KCTD19: variants seen among roughly 807,000 people sequenced by gnomAD.
The protein encoded by KCTD19 is potassium channel tetramerization domain containing 19.
KCTD19 carries 67 observed loss-of-function variants against 103.5 expected under a neutral mutation model. The observed-to-expected ratio is 0.65, with a 90% confidence interval of 0.53 to 0.79. KCTD19 has a LOEUF of 0.79. Among genes scored for constraint, KCTD19 ranks in the 30% least tolerant of loss-of-function variants. The probability of loss-of-function intolerance (pLI) is 0.00; values close to 1 mark genes in which losing one functional copy is unlikely to be tolerated. For synonymous variants in KCTD19, 439 were observed against 452.2 expected (o/e 0.97, Z 0.37); for missense variants, 980 against 1,136.1 (o/e 0.86, Z 1.98).
At chr16:67,325,100 T>G (rs971642747) in intron 1 of KCTD19, among the ~76,000 whole-genome samples, 1 of 152,128 alleles carries the variant, frequency 6.6e-6, no homozygotes, top group Non-Finnish European at 1.5e-5. Context: ...GTGCTCAGAG[T>G]GTGCAGATGT....
chr16:67,294,067 C>T lies in KCTD19; in HGVS notation c.1695G>A (p.Glu565=). The T allele has an allele frequency of 6.2e-7, 1 of 1,614,200 alleles. No homozygotes were observed. Among genetic ancestry groups the T allele is most frequent in the Non-Finnish European group, 8.5e-7 (1 of 1,180,042 alleles). Residue 565 remains glutamate, a synonymous_variant, in exon 12 of 16, where the codon GAG becomes GAA. Transcript: ENST00000304372. ...LVRSNQMDEA[E]QYTRPIQVSL... is the part of the protein sequence containing the mutation. ...ACACCTGGATGGGCCGAGTGTACTG[C>T]TCAGCCTCATCCATCTGGTTGGACC... is the stretch of plus-strand genomic sequence containing the variant.
At chr16:67,294,457 C>G in intron 11 of KCTD19, 123 bp downstream of exon 11, 1 of 723,166 alleles carries the variant, frequency 1.4e-6, no homozygotes, top group South Asian at 1.7e-5. Context: ...TCCTAGGAAC[C>G]CATGTAGGCT....
At chr16:67,289,729 T>A in intron 15 of KCTD19, 47 bp from the exon 16 acceptor site, 1 of 1,402,262 alleles carries the variant, frequency 7.1e-7, no homozygotes. Flanking sequence ...GCCAGTTGTC[T>A]ACTCTAGCTC....
chr16:67,294,320 T>G (rs1282059633), intron 11 of KCTD19, 149 bp from the exon 12 acceptor site: 3 of 917,936 alleles, frequency 3.3e-6, no homozygotes, highest in Non-Finnish European at 4.9e-6. Context: ...TGAGCTTTGC[T>G]CAGGCTGAGT....
intron 2 of KCTD19, among the ~76,000 whole-genome samples, chr16:67,310,359 C>T (rs1464228772): frequency 6.6e-6 from 1 of 152,206 alleles, no homozygotes; most frequent in Non-Finnish European, 1.5e-5. Flanking sequence ...CTCCAGAGAG[C>T]CTGGGCTTCC....
In KCTD19 at chr16:67,290,983, G is replaced by C. The variant is rs200502378; in HGVS notation, c.2569C>G (p.Leu857Val). The C allele has an allele frequency of 1.3e-4, 212 of 1,614,020 alleles. No individual in the cohort carries two copies. In the African/African-American group the frequency reaches 2.3e-3, roughly 18 times the overall value. Residue 857 changes from leucine to valine, a missense_variant, in exon 15 of 16, where the codon CTG becomes GTG. By Grantham distance (32) the Leu-to-Val change is conservative. Coordinates refer to ENST00000304372, the MANE Select transcript of KCTD19 (RefSeq NM_001100915.3). The part of the protein sequence containing the change: ...VVSLANRLWT[L>V]HISPKQFVVD... ...ACAAACTGCTTGGGGCTGATGTGCA[G>C]GGTCTGCCAGGAGAGCCCACAGTCA...
chr16:67,309,128 CAAAAAAAAAAA>C (rs60872060), intron 2 of KCTD19, among the ~76,000 whole-genome samples: 2 of 75,912 alleles, frequency 2.6e-5, no homozygotes, highest in East Asian at 4.9e-4. Context: ...GACTTCAGCT[CAAAAAAAAAAA>C]AAAAAGAAAA....
rs1024243575 is a variant in KCTD19 at position 67,303,457 on chromosome 16, C to T, written c.452-120G>A. The T allele has an allele frequency of 1.5e-6, 1 of 675,806 alleles. No individual in the cohort carries two copies. The highest frequency in any genetic ancestry group is 2.4e-6 in the Non-Finnish European group (1 of 408,450). The allele number at this position is 675,806 out of a possible 1,614,324, so 41.9% of individuals were successfully genotyped here. On this transcript the variant is annotated intron_variant, in intron 3 of 15. Coordinates refer to ENST00000304372, the MANE Select transcript of KCTD19 (RefSeq NM_001100915.3). This position sits in a 1 kb window ranked among gnomAD's most constrained non-coding sequence, Gnocchi z 4.3. Reference sequence around the variant, plus strand: ...CTAGAGAGACCCCCCAGGATATGGTCCTTGCCACTTGCCAGACACATCTTC... The same window carrying T: ...CTAGAGAGACCCCCCAGGATATGGTTCTTGCCACTTGCCAGACACATCTTC...
chr16:67,311,885 T>C (rs1380473263), intron 2 of KCTD19, among the ~76,000 whole-genome samples: 1 of 152,218 alleles, frequency 6.6e-6, no homozygotes, highest in Non-Finnish European at 1.5e-5. Flanking sequence ...ACAGACAAGC[T>C]ACACAGTTGG....
chr16:67,295,117 G>A, intron 9 of KCTD19, 61 bp from the exon 10 acceptor site: 1 of 1,558,630 alleles, frequency 6.4e-7, no homozygotes, highest in Non-Finnish European at 8.8e-7. Context: ...GAGGGAGCAT[G>A]AGCTCCTGGA....
At chr16:67,302,792 G>A (rs1480713634) in intron 4 of KCTD19, 1 of 249,834 alleles carries the variant, frequency 4.0e-6, no homozygotes, top group East Asian at 1.2e-4. Context: ...ACTGAGGCCG[G>A]AAGACCAGCT....
At chr16:67,317,305 C>G (rs1226201714) in intron 2 of KCTD19, among the ~76,000 whole-genome samples, 1 of 151,716 alleles carries the variant, frequency 6.6e-6, no homozygotes, top group Admixed American at 6.6e-5. Flanking sequence ...ATAACAAAAC[C>G]CCATCTCCAC....
At chr16:67,306,001 G>A (rs538827166) in intron 2 of KCTD19, among the ~76,000 whole-genome samples, 2 of 152,288 alleles carry the variant, frequency 1.3e-5, no homozygotes, top group Admixed American at 1.3e-4. Context: ...CTGGGCAATG[G>A]TGGGATCGTG....
chr16:67,292,089 T>C (rs566535932), intron 12 of KCTD19, among the ~76,000 whole-genome samples: 1 of 152,342 alleles, frequency 6.6e-6, no homozygotes, highest in East Asian at 1.9e-4. Flanking sequence ...GGTCTCGAAC[T>C]CCTGACCTTA....
intron 5 of KCTD19, chr16:67,301,219 G>A (rs1344012211): frequency 6.5e-6 from 1 of 153,132 alleles, no homozygotes; most frequent in East Asian, 1.9e-4. Flanking sequence ...AAGCTGGAAT[G>A]AGGTAGGGCT....
At chr16:67,321,026 C>T (rs891693668) in intron 1 of KCTD19, 141 bp from the exon 2 acceptor site, 19 of 803,878 alleles carry the variant, frequency 2.4e-5, no homozygotes, top group African/African-American at 3.5e-5. Context: ...CACCAGAAAA[C>T]TATTAGAAAT....
chr16:67,289,776 G>T, intron 15 of KCTD19, 94 bp from the exon 16 acceptor site: 1 of 834,680 alleles, frequency 1.2e-6, no homozygotes, highest in Non-Finnish European at 2.0e-6. Flanking sequence ...GCAGGGACAG[G>T]GCAAGCCCGG....
At chr16:67,317,560 G>C (rs1025657116) in intron 2 of KCTD19, among the ~76,000 whole-genome samples, 2 of 151,558 alleles carry the variant, frequency 1.3e-5, no homozygotes, top group African/African-American at 4.9e-5. Context: ...TTTTGAACAC[G>C]GTACAAAGAA....
At chr16:67,317,738 A>G (rs1597400193) in intron 2 of KCTD19, among the ~76,000 whole-genome samples, 2 of 152,176 alleles carry the variant, frequency 1.3e-5, no homozygotes, top group East Asian at 3.8e-4. Context: ...AGAAAGTATA[A>G]AATTACATAA....
Sources: allele counts gnomAD v4.1 joint callset (sites outside exome capture counted in the v4.1 genomes callset), GRCh38; gene constraint gnomAD v4.1.1; non-coding constraint Gnocchi (gnomAD v3.1); transcripts MANE v1.5; gene names NCBI Gene and HGNC (gene_info 2026-07-23, HGNC 2026-07-21).